ATG5: variants seen among roughly 807,000 people sequenced by gnomAD.
ATG5 encodes autophagy related 5.
ATG5 carries 14 observed loss-of-function variants against 36.5 expected under a neutral mutation model. That is an observed-to-expected ratio of 0.38 (90% CI 0.25 to 0.60). The LOEUF is 0.60. Among genes scored for constraint, ATG5 ranks in the 20% least tolerant of loss-of-function variants. The pLI is 0.60. For synonymous variants in ATG5, 95 were observed against 101.5 expected (o/e 0.94, Z 0.38); for missense variants, 195 against 326.7 (o/e 0.60, Z 3.11).
chr6:106,292,758 C>T (rs544710198), intron 4 of ATG5, among the ~76,000 whole-genome samples: 1 of 152,226 alleles, frequency 6.6e-6, no homozygotes, highest in East Asian at 1.9e-4. Flanking sequence ...GCGTGAGCCA[C>T]CAAGGCTGGC....
intron 6 of ATG5, among the ~76,000 whole-genome samples, chr6:106,226,600 G>T (rs1489243362): frequency 2.0e-5 from 3 of 152,126 alleles, no homozygotes; most frequent in Non-Finnish European, 4.4e-5. Context: ...TCCTTCAGAA[G>T]AACCACTTTT....
At chr6:106,206,072 T>C (rs1776617864) in intron 6 of ATG5, among the ~76,000 whole-genome samples, 1 of 152,220 alleles carries the variant, frequency 6.6e-6, no homozygotes, top group African/African-American at 2.4e-5. Flanking sequence ...TAGTTACTTC[T>C]ATCATCTGAA....
chr6:106,218,248 C>T (rs1270754409), intron 6 of ATG5, among the ~76,000 whole-genome samples: 2 of 152,264 alleles, frequency 1.3e-5, no homozygotes, highest in East Asian at 3.9e-4. Flanking sequence ...TCATGAATAA[C>T]TATCAACCAA....
chr6:106,315,610 T>C (rs1294016149), intron 2 of ATG5, among the ~76,000 whole-genome samples: 2 of 151,280 alleles, frequency 1.3e-5, no homozygotes, highest in East Asian at 3.9e-4. Context: ...GAACGTATCG[T>C]GTGTGTGTAT....
At chr6:106,297,099 T>C (rs1454843542) in intron 3 of ATG5, among the ~76,000 whole-genome samples, 1 of 152,160 alleles carries the variant, frequency 6.6e-6, no homozygotes, top group Non-Finnish European at 1.5e-5. Flanking sequence ...CAAGAACTAA[T>C]AGAAGAACAA....
chr6:106,263,517 C>T (rs1360997719), intron 5 of ATG5, among the ~76,000 whole-genome samples: 1 of 152,184 alleles, frequency 6.6e-6, no homozygotes, highest in African/African-American at 2.4e-5. Flanking sequence ...GCTAAGGGAC[C>T]GACTGCCTCA....
At chr6:106,197,754 A>C (rs1405879356) in intron 7 of ATG5, among the ~76,000 whole-genome samples, 2 of 152,192 alleles carry the variant, frequency 1.3e-5, no homozygotes, top group African/African-American at 2.4e-5. Context: ...TGAGATGCCC[A>C]ATCTCCAGGC....
intron 6 of ATG5, among the ~76,000 whole-genome samples, chr6:106,229,474 GAGAGGAGAGGGAGAGAGACAA>G (rs1777588208): frequency 2.0e-5 from 3 of 152,092 alleles, no homozygotes; most frequent in Non-Finnish European, 4.4e-5. Context: ...GAGAGAGACA[GAGAGGAGAGGGAGAGAGACAA>G]AGAGGAGAAA....
intron 3 of ATG5, among the ~76,000 whole-genome samples, chr6:106,303,010 A>T (rs1478281761): frequency 1.3e-5 from 2 of 152,040 alleles, no homozygotes; most frequent in African/African-American, 2.4e-5. Context: ...TTAAAAAAGA[A>T]ATTAAGGTAA....
chr6:106,188,145 G>A (rs1402255890), intron 7 of ATG5, among the ~76,000 whole-genome samples: 1 of 152,066 alleles, frequency 6.6e-6, no homozygotes, highest in African/African-American at 2.4e-5. Flanking sequence ...ACTATAGAAA[G>A]CATAGTACCA....
At chr6:106,199,309 A>C (rs1776327632) in intron 7 of ATG5, among the ~76,000 whole-genome samples, 1 of 152,258 alleles carries the variant, frequency 6.6e-6, no homozygotes, top group South Asian at 2.1e-4. Flanking sequence ...GAAAGGCTGG[A>C]AACAGTCCAA....
chr6:106,309,032 C>A (rs1770550811), intron 2 of ATG5, among the ~76,000 whole-genome samples: 1 of 150,968 alleles, frequency 6.6e-6, no homozygotes. Context: ...AGAAAAGGTA[C>A]CCAAAAATAA....
intron 2 of ATG5, 24 bp from the exon 3 acceptor site, chr6:106,308,515 G>T: frequency 1.3e-6 from 2 of 1,494,538 alleles, no homozygotes; most frequent in Non-Finnish European, 1.8e-6. Flanking sequence ...TTGTAAAACC[G>T]TATTTATTTA....
chr6:106,262,721 G>A (rs933787836), intron 5 of ATG5, among the ~76,000 whole-genome samples: 5 of 152,150 alleles, frequency 3.3e-5, no homozygotes, highest in South Asian at 2.1e-4. Context: ...CCAGAAGCAG[G>A]GTGGGGCATT....
intron 6 of ATG5, among the ~76,000 whole-genome samples, chr6:106,226,409 G>C (rs1220133954): frequency 6.6e-6 from 1 of 152,128 alleles, no homozygotes; most frequent in Non-Finnish European, 1.5e-5. Flanking sequence ...ACAAAGACAT[G>C]CAAAGAAACA....
intron 3 of ATG5, among the ~76,000 whole-genome samples, chr6:106,296,392 C>T (rs546719521): frequency 1.4e-4 from 21 of 152,078 alleles, no homozygotes; most frequent in Admixed American, 9.8e-4. Context: ...TCAATTATTC[C>T]CAATAAGACA....
chr6:106,277,558 T>C (rs1207136570), intron 5 of ATG5, among the ~76,000 whole-genome samples: 4 of 152,256 alleles, frequency 2.6e-5, no homozygotes, highest in Admixed American at 2.6e-4. Flanking sequence ...CTCATGCCTA[T>C]AATCCCAGCA....
intron 4 of ATG5, among the ~76,000 whole-genome samples, 176 bp downstream of exon 4, chr6:106,292,852 C>A (rs888723169): frequency 8.6e-5 from 13 of 152,014 alleles, no homozygotes; most frequent in African/African-American, 2.9e-4. Flanking sequence ...GTGTTTCTGC[C>A]AAGAGTTAGG....
intron 3 of ATG5, among the ~76,000 whole-genome samples, chr6:106,295,818 C>T (rs919955695): frequency 6.6e-6 from 1 of 152,092 alleles, no homozygotes; most frequent in Non-Finnish European, 1.5e-5. Context: ...CCCACCTTGG[C>T]CACCCAAAGT....
Sources: gnomAD v4.1 joint callset for allele counts (sites outside exome capture counted in the v4.1 genomes callset) on GRCh38, gnomAD v4.1.1 for gene constraint, MANE v1.5 for transcripts, NCBI Gene and HGNC (gene_info 2026-07-23, HGNC 2026-07-21) for gene names.